Variants in DOCK4 observed in about 807,000 individuals in gnomAD.
DOCK4 encodes dedicator of cytokinesis 4, also known as dedicator of cytokinesis protein 4.
Under a neutral mutation model 268.1 loss-of-function variants are expected in DOCK4, and 97 were observed. The ratio of observed to expected loss-of-function variants is 0.36; its 90% CI spans 0.31 to 0.43. The LOEUF is 0.43. DOCK4 is among the 20% of genes least tolerant of loss of function. The probability of loss-of-function intolerance (pLI) is 1.00; values close to 1 mark genes in which losing one functional copy is unlikely to be tolerated. For synonymous variants in DOCK4, 954 were observed against 887.2 expected (o/e 1.08, Z -1.34); for missense variants, 2,145 against 2,455.7 (o/e 0.87, Z 2.67).
intron 35 of DOCK4, among the ~76,000 whole-genome samples, chr7:111,781,210 G>A (rs1448912797): frequency 1.3e-5 from 2 of 152,206 alleles, no homozygotes; most frequent in African/African-American, 4.8e-5. Flanking sequence ...AAAGGTAAAG[G>A]CTTTGAGGTT....
At chr7:111,914,036 A>G (rs1044227072) in intron 13 of DOCK4, among the ~76,000 whole-genome samples, 5 of 152,160 alleles carry the variant, frequency 3.3e-5, no homozygotes, top group Admixed American at 3.3e-4. Context: ...TAGAATCATT[A>G]GCATTGAAGA....
intron 1 of DOCK4, among the ~76,000 whole-genome samples, chr7:112,157,613 T>C (rs925823989): frequency 3.3e-5 from 5 of 152,208 alleles, no homozygotes; most frequent in Admixed American, 6.5e-5. Flanking sequence ...TGCCCTGGTA[T>C]GCTGATGAGC....
chr7:111,813,740 C>T (rs566776250), intron 27 of DOCK4, among the ~76,000 whole-genome samples: 13 of 152,196 alleles, frequency 8.5e-5, no homozygotes, highest in East Asian at 3.9e-4. Flanking sequence ...TGGTATAATG[C>T]GGCAATTTCC....
chr7:111,737,096 T>A (rs1795551920), intron 49 of DOCK4, 107 bp from the exon 50 acceptor site: 8 of 972,352 alleles, frequency 8.2e-6, no homozygotes, highest in Middle Eastern at 2.3e-4. Flanking sequence ...TTCAAAATAA[T>A]TTTTGTGTGA....
At chr7:111,768,180 C>T (rs531323934) in intron 37 of DOCK4, among the ~76,000 whole-genome samples, 5 of 152,236 alleles carry the variant, frequency 3.3e-5, no homozygotes, top group African/African-American at 1.2e-4. Context: ...TGGGGCTGTA[C>T]AGAAACAGAC....
intron 28 of DOCK4, among the ~76,000 whole-genome samples, chr7:111,811,336 T>C (rs1801116601): frequency 1.3e-5 from 2 of 152,072 alleles, no homozygotes; most frequent in South Asian, 2.1e-4. Flanking sequence ...AAAGCCAAGA[T>C]AGGCACTGCT....
chr7:111,885,377 G>C (rs1232474748), intron 16 of DOCK4, among the ~76,000 whole-genome samples: 2 of 152,168 alleles, frequency 1.3e-5, no homozygotes, highest in African/African-American at 4.8e-5. Context: ...CTTTCACATA[G>C]AGAATATTTT....
At chr7:111,863,285 T>C (rs113613885) in intron 23 of DOCK4, 87 bp downstream of exon 23, 1 of 1,459,374 alleles carries the variant, frequency 6.9e-7, no homozygotes, top group African/African-American at 1.4e-5. Context: ...TAGTGTTTTG[T>C]TTTTAATTGC....
chr7:112,073,026 T>C (rs560351677), intron 1 of DOCK4, among the ~76,000 whole-genome samples: 2 of 152,218 alleles, frequency 1.3e-5, no homozygotes, highest in East Asian at 1.9e-4. Flanking sequence ...CCCAGAAGCA[T>C]GGGAACATCT....
chr7:111,739,404 C>T lies in DOCK4; in HGVS notation c.5114G>A (p.Ser1705Asn), dbSNP rs183981192. The T allele has an allele frequency of 6.3e-7, 1 of 1,588,334 alleles. No homozygotes were observed. The highest frequency in any genetic ancestry group is 1.3e-5 in the African/African-American group (1 of 74,498). The part of the protein sequence containing the change: ...SPNVTSSAPS[S>N]ARASPLLSDK... ...CACACTCTGGCACTGACCTCTGGCA[C>T]TCGATGGAGCAGAACTTGTCACATT... The change falls in exon 48 of 53, where the codon AGT becomes AAT. Residue 1705 changes from serine (S) to asparagine (N), a missense_variant. Coordinates refer to ENST00000428084, the MANE Select transcript of DOCK4 (RefSeq NM_001363540.2).
intron 8 of DOCK4, among the ~76,000 whole-genome samples, chr7:111,976,271 A>T (rs531653326): frequency 0.045 from 27 of 600 alleles, 2 homozygotes; most frequent in East Asian, 0.34. Context: ...TGTGTCTATT[A>T]TATATATATA....
chr7:112,069,916 A>G (rs561424258), intron 1 of DOCK4, among the ~76,000 whole-genome samples: 2 of 152,232 alleles, frequency 1.3e-5, no homozygotes, highest in African/African-American at 4.8e-5. Context: ...ACGTGCAGCC[A>G]TGGGAAGAGA....
chr7:111,989,594 T>C (rs1295421836), intron 5 of DOCK4, among the ~76,000 whole-genome samples: 1 of 152,198 alleles, frequency 6.6e-6, no homozygotes, highest in Admixed American at 6.5e-5. Flanking sequence ...TGCTTTCCAA[T>C]TATATTTCTT....
chr7:112,168,772 A>C (rs1344063701), intron 1 of DOCK4, among the ~76,000 whole-genome samples: 12 of 152,222 alleles, frequency 7.9e-5, no homozygotes, highest in Admixed American at 7.9e-4. Flanking sequence ...ACCATGGCTG[A>C]TGAAGAGAAT....
intron 1 of DOCK4, among the ~76,000 whole-genome samples, chr7:112,101,873 T>G (rs1563085589): frequency 6.6e-6 from 1 of 151,514 alleles, no homozygotes. Context: ...ACAAGAGTCT[T>G]GCTCTGTTGC....
At chr7:111,838,298 G>A (rs1246189802) in intron 25 of DOCK4, among the ~76,000 whole-genome samples, 1 of 152,006 alleles carries the variant, frequency 6.6e-6, no homozygotes, top group Non-Finnish European at 1.5e-5. Flanking sequence ...TACACTTACT[G>A]ACTTTAAGAT....
chr7:112,024,832 C>T (rs1232867773), intron 1 of DOCK4, among the ~76,000 whole-genome samples: 1 of 152,186 alleles, frequency 6.6e-6, no homozygotes, highest in Admixed American at 6.5e-5. Flanking sequence ...ATGAACAATG[C>T]TACCAAGGCC....
intron 44 of DOCK4, among the ~76,000 whole-genome samples, chr7:111,743,686 G>A (rs1282835526): frequency 1.3e-5 from 2 of 152,164 alleles, no homozygotes; most frequent in African/African-American, 2.4e-5. Context: ...TTATCAGGGT[G>A]TACCTTGGGA....
intron 8 of DOCK4, among the ~76,000 whole-genome samples, chr7:111,951,959 A>C (rs1796084380): frequency 6.6e-6 from 1 of 152,064 alleles, no homozygotes; most frequent in Admixed American, 6.6e-5. Context: ...TAAAATTAAA[A>C]CATAATAATT....
Sources: allele counts gnomAD v4.1 joint callset (sites outside exome capture counted in the v4.1 genomes callset), GRCh38; gene constraint gnomAD v4.1.1; transcripts MANE v1.5; gene names NCBI Gene and HGNC (gene_info 2026-07-23, HGNC 2026-07-21).